The following SSX3 variants were observed in gnomAD, a reference collection of about 807,000 sequenced individuals.
SSX3 encodes the protein SSX family member 3.
In SSX3, 6 loss-of-function variants were observed where a neutral mutation model predicts 14.8. The ratio of observed to expected loss-of-function variants is 0.41; its 90% CI spans 0.22 to 0.80. SSX3 has a LOEUF of 0.80. SSX3 is among the 30% of genes least tolerant of loss of function. SSX3 has a pLI of 0.34. For missense variants in SSX3, 163 were observed against 152.2 expected, an observed-to-expected ratio of 1.07 and a Z score of -0.37; for synonymous variants, 55 against 52.9, an observed-to-expected ratio of 1.04 and a Z score of -0.18.
chrX:48,348,119 A>T (rs1207820626), intron 6 of SSX3: 1 of 321,355 alleles, frequency 3.1e-6, no homozygotes, highest in Non-Finnish European at 5.4e-6. Flanking sequence ...TTTTGTGGGT[A>T]CACAGTAGGT....
At chrX:48,353,490 G>C (rs1412143515) in intron 4 of SSX3, among the ~76,000 whole-genome samples, 6 of 110,942 alleles carry the variant, frequency 5.4e-5, no homozygotes, top group African/African-American at 2.0e-4. Flanking sequence ...CTGAGTGTGG[G>C]GGCACGTGCG....
In SSX3 at chrX:48,354,013, T is replaced by C; in HGVS notation, c.266A>G (p.Asn89Ser). The C allele has an allele frequency of 4.1e-6, 5 of 1,208,859 alleles. No homozygotes were observed. The highest frequency in any genetic ancestry group is 5.6e-6 in the Non-Finnish European group (5 of 893,478). The change falls in exon 4 of 8, where the codon AAC becomes AGC. Residue 89 changes from asparagine to serine, a missense_variant. Physicochemically the swap from Asn to Ser is conservative, Grantham distance 46. Transcript: ENST00000298396. ...FQGNDFDNDP[N>S]RGNQVQRPQM... ...CATCTACTCACCCTGATTCCCACGG[T>C]TAGGGTCATTATCAAAATCATTCCC...
chrX:48,355,100 C>T, intron 2 of SSX3, 81 bp downstream of exon 2: 1 of 1,203,116 alleles, frequency 8.3e-7, no homozygotes, highest in Non-Finnish European at 1.1e-6. Flanking sequence ...TCTCCAGTAT[C>T]TCTGTCCTCC....
At chrX:48,351,986 A>G in intron 5 of SSX3, 114 bp downstream of exon 5, 2 of 960,692 alleles carry the variant, frequency 2.1e-6, no homozygotes, top group Non-Finnish European at 1.5e-6. Flanking sequence ...GTTGTGATAG[A>G]CATGGGGAGA....
At chrX:48,356,270 A>G (rs2061287332) in intron 1 of SSX3, among the ~76,000 whole-genome samples, 1 of 111,130 alleles carries the variant, frequency 9.0e-6, no homozygotes, top group African/African-American at 3.3e-5. Context: ...TTTTTTTCAG[A>G]CAGGGTCTCG....
At chrX:48,353,922 G>C (rs1556950398) in intron 4 of SSX3, 77 bp downstream of exon 4, 2 of 1,041,813 alleles carry the variant, frequency 1.9e-6, no homozygotes, top group Non-Finnish European at 2.7e-6. Context: ...AAATGCCTGA[G>C]GCTCTTTCCC....
intron 6 of SSX3, chrX:48,348,349 G>A: frequency 1.9e-6 from 1 of 516,239 alleles, no homozygotes; most frequent in South Asian, 2.5e-5. Flanking sequence ...TGCACCCATA[G>A]AATATGACAA....
rs2061247235 is a variant in SSX3, at chrX:48,348,330, A to G, written c.467-726T>C. The G allele has an allele frequency of 2.1e-5, 11 of 512,349 alleles. No individual in the cohort carries two copies. In the East Asian group the frequency reaches 4.1e-4, roughly 19 times the overall value. The allele number at this position is 512,349 out of a possible 1,213,427, so 42.2% of individuals were successfully genotyped here. On this transcript the variant is annotated intron_variant, in intron 6 of 7. Transcript: ENST00000298396. ...TGTTGTGTGTAATTGTTTTGGGGGTACCAGGAACTGCACCCATAGAATATG... is the reference window on the plus strand; with the variant it reads ...TGTTGTGTGTAATTGTTTTGGGGGTGCCAGGAACTGCACCCATAGAATATG...
At chrX:48,354,343 G>A (rs1444843361) in intron 3 of SSX3, among the ~76,000 whole-genome samples, 3 of 107,705 alleles carry the variant, frequency 2.8e-5, no homozygotes, top group African/African-American at 1.0e-4. Context: ...GTGTGTGTGG[G>A]GTGGGGGTAG....
chrX:48,354,555 G>A, intron 3 of SSX3, 77 bp downstream of exon 3: 1 of 1,072,440 alleles, frequency 9.3e-7, no homozygotes, highest in Non-Finnish European at 1.3e-6. Flanking sequence ...ACTTTCTGCA[G>A]CCTAAGAAAT....
chrX:48,356,161 A>G (rs782446635), intron 1 of SSX3, among the ~76,000 whole-genome samples: 21 of 111,972 alleles, frequency 1.9e-4, no homozygotes, highest in African/African-American at 6.5e-4. Context: ...AAAAAAACAA[A>G]CAAACAAAAT....
chrX:48,353,177 A>T (rs1240008776), intron 4 of SSX3, among the ~76,000 whole-genome samples: 2 of 105,409 alleles, frequency 1.9e-5, no homozygotes, highest in African/African-American at 3.5e-5. Context: ...GTCCTTTGAT[A>T]CATTAACAGT....
intron 4 of SSX3, among the ~76,000 whole-genome samples, chrX:48,353,550 A>G (rs1385524389): frequency 1.8e-4 from 20 of 111,354 alleles, no homozygotes; most frequent in African/African-American, 5.9e-4. Flanking sequence ...ACTTGAACCC[A>G]GGAGGTGAAA....
rs1318896344 is a variant in SSX3, at chrX:48,351,036, T to A, written c.331-914A>T. Among the ~76,000 whole-genome samples, 6 of 110,856 alleles carry A rather than the reference T, an allele frequency of 5.4e-5. No individual in the cohort carries two copies. The East Asian group carries it at 1.7e-3, about 31-fold the overall frequency. On this transcript the variant is annotated intron_variant, in intron 5 of 7. Coordinates refer to ENST00000298396, the MANE Select transcript of SSX3 (RefSeq NM_021014.4). ...TGCCCGACTCAGCCTCCCAAAGTGC[T>A]GGGATTACAGTCGTGAGCCACCGCG...
intron 6 of SSX3, chrX:48,349,587 C>CTT: frequency 1.7e-6 from 2 of 1,209,668 alleles, no homozygotes; most frequent in South Asian, 3.5e-5. Context: ...CTGAAGGACA[C>CTT]CTGTATTGGG....
rs1194636956 is a variant in SSX3 at position 48,348,248 on chromosome X, T to A, written c.467-644A>T. On this transcript the variant is annotated intron_variant, in intron 6 of 7. Coordinates refer to ENST00000298396, the MANE Select transcript of SSX3 (RefSeq NM_021014.4). ...TTATCCTTGCCTTACAAACAATCCA[T>A]TTATGCTCTTTTAGTTTTTTTAAGT... The A allele has an allele frequency of 8.7e-6, 4 of 458,099 alleles. No individual in the cohort carries two copies. The African/African-American group carries it at 9.8e-5, about 11-fold the overall frequency. 37.8% of individuals were successfully genotyped at this position (458,099 alleles called of 1,213,427 possible). A position where few individuals can be genotyped will look rare whatever the true frequency, so the allele number is the denominator to read the frequency against.
At chrX:48,349,960 G>A (rs2061254812) in intron 6 of SSX3, 27 bp downstream of exon 6, 2 of 1,210,505 alleles carry the variant, frequency 1.7e-6, no homozygotes, top group South Asian at 3.5e-5. Flanking sequence ...AAGCCAGTGG[G>A]ATTGTTCCTG....
At chrX:48,349,891 C>A in intron 6 of SSX3, 96 bp downstream of exon 6, 1 of 1,186,729 alleles carries the variant, frequency 8.4e-7, no homozygotes, top group Non-Finnish European at 1.1e-6. Flanking sequence ...CAGCCTGGAC[C>A]CAGGGTTATC....
chrX:48,353,966 G>A (rs1396016899), intron 4 of SSX3, 33 bp downstream of exon 4: 24 of 1,173,011 alleles, frequency 2.0e-5, no homozygotes, highest in Non-Finnish European at 2.7e-5. Flanking sequence ...TGGGCTTGAG[G>A]AGACCCTTTC....
Sources: allele counts gnomAD v4.1 joint callset (sites outside exome capture counted in the v4.1 genomes callset), GRCh38; gene constraint gnomAD v4.1.1; transcripts MANE v1.5; gene names NCBI Gene and HGNC (gene_info 2026-07-23, HGNC 2026-07-21).